The following PAAF1 variants were observed in gnomAD, a reference collection of about 807,000 sequenced individuals.
PAAF1 encodes the protein proteasomal ATPase-associated factor 1.
PAAF1 carries 46 observed loss-of-function variants against 52.8 expected under a neutral mutation model. That is an observed-to-expected ratio of 0.87 (90% CI 0.69 to 1.11). The LOEUF (loss-of-function observed/expected upper bound fraction) is 1.11, where lower values mean the gene tolerates loss of function less well. PAAF1 is among the 50% of genes most tolerant of loss of function. PAAF1 has a pLI of 0.00. For missense variants in PAAF1, 424 were observed against 477.4 expected (o/e 0.89, Z 1.04); for synonymous variants, 178 against 172.8 (o/e 1.03, Z -0.24).
At chr11:73,897,575 C>G (rs1258635183) in intron 4 of PAAF1, among the ~76,000 whole-genome samples, 2 of 151,568 alleles carry the variant, frequency 1.3e-5, no homozygotes, top group South Asian at 2.1e-4. Flanking sequence ...CTCCTCACTT[C>G]CCAGATGTGA....
chr11:73,903,038 T>C (rs2044389396), intron 6 of PAAF1, among the ~76,000 whole-genome samples: 1 of 152,232 alleles, frequency 6.6e-6, no homozygotes, highest in Admixed American at 6.5e-5. Flanking sequence ...TTTATTCATG[T>C]AGTTGTTCCA....
intron 6 of PAAF1, among the ~76,000 whole-genome samples, chr11:73,901,572 A>G (rs1414339303): frequency 3.3e-5 from 5 of 151,060 alleles, no homozygotes; most frequent in African/African-American, 9.7e-5. Flanking sequence ...ACCTCAGTAC[A>G]TTGTAACTTG....
At chr11:73,880,553 G>C (rs1948867570) in intron 2 of PAAF1, 1 of 150,820 alleles carries the variant, frequency 6.6e-6, no homozygotes, top group Admixed American at 6.6e-5. Flanking sequence ...CGGATGTGGT[G>C]GTGGGCCCCT....
In PAAF1 at chr11:73,924,611, T is replaced by G; in HGVS notation, c.1019-4T>G. On this transcript the variant is annotated splice_region_variant and splice_polypyrimidine_tract_variant and intron_variant, in intron 10 of 11. Transcript: ENST00000310571. ...GTTATATGAATTTTCTTTCTGCCTTTCAGGTGATGGAAGCTGTTTTATTGT... is the reference window on the plus strand; with the variant it reads ...GTTATATGAATTTTCTTTCTGCCTTGCAGGTGATGGAAGCTGTTTTATTGT... 1 of 1,613,202 alleles carries G rather than the reference T, an allele frequency of 6.2e-7. No homozygotes were observed. The highest frequency in any genetic ancestry group is 8.5e-7 in the Non-Finnish European group (1 of 1,179,260).
At chr11:73,906,182 TG>T (rs1228496731) in intron 6 of PAAF1, among the ~76,000 whole-genome samples, 1 of 152,140 alleles carries the variant, frequency 6.6e-6, no homozygotes, top group Non-Finnish European at 1.5e-5. Context: ...CTATATCCAG[TG>T]GGTATATAGC....
chr11:73,895,912 C>T (rs908265029), intron 4 of PAAF1, among the ~76,000 whole-genome samples: 1 of 152,132 alleles, frequency 6.6e-6, no homozygotes, highest in Admixed American at 6.5e-5. Flanking sequence ...TTCAAGACCA[C>T]CCTGGGCAAC....
intron 7 of PAAF1, among the ~76,000 whole-genome samples, chr11:73,912,355 G>GC (rs1202864068): frequency 1.3e-5 from 2 of 152,020 alleles, no homozygotes; most frequent in African/African-American, 4.8e-5. Context: ...ACCCCAAACT[G>GC]TTTTTTTCCA....
intron 4 of PAAF1, among the ~76,000 whole-genome samples, chr11:73,897,210 G>A (rs1232301983): frequency 1.5e-5 from 2 of 130,546 alleles, no homozygotes; most frequent in South Asian, 2.5e-4. Flanking sequence ...CCTCCCGGAC[G>A]GGGCGGCTGG....
intron 3 of PAAF1, among the ~76,000 whole-genome samples, chr11:73,890,375 G>A (rs560349401): frequency 2.8e-4 from 42 of 152,084 alleles, no homozygotes; most frequent in Non-Finnish European, 5.1e-4. Flanking sequence ...TCTGGTTCTA[G>A]GTATAGTTTC....
At chr11:73,915,398 G>C (rs899463479) in intron 8 of PAAF1, among the ~76,000 whole-genome samples, 1 of 152,154 alleles carries the variant, frequency 6.6e-6, no homozygotes, top group African/African-American at 2.4e-5. Context: ...CTTGAGTCCA[G>C]GAGTTCGAGA....
chr11:73,884,143 T>G (rs771866167), intron 2 of PAAF1, among the ~76,000 whole-genome samples: 26 of 152,088 alleles, frequency 1.7e-4, no homozygotes, highest in Non-Finnish European at 3.4e-4. Context: ...GTGGTTGGAT[T>G]GATCCTAGTT....
In PAAF1 at chr11:73,916,537, G is replaced by C. The variant is rs1175883919; in HGVS notation, c.820-8G>C. The stretch of plus-strand genomic sequence containing the variant: ...TAAACAGCATTTTTGCCTCCTACTT[G>C]TTCCCAGGTGTTCCTCTTTATTGGC... On this transcript the variant is annotated splice_polypyrimidine_tract_variant and splice_region_variant and intron_variant, in intron 8 of 11. Coordinates refer to ENST00000310571, the MANE Select transcript of PAAF1 (RefSeq NM_025155.3). The C allele has an allele frequency of 2.5e-6, 4 of 1,595,228 alleles. No homozygotes were observed. The highest frequency in any genetic ancestry group is 2.7e-5 in the African/African-American group (2 of 74,566).
intron 10 of PAAF1, among the ~76,000 whole-genome samples, chr11:73,923,858 C>G (rs1229411228): frequency 2.0e-5 from 3 of 152,108 alleles, no homozygotes; most frequent in Admixed American, 1.3e-4. Context: ...TCCTCTTTCT[C>G]CTAGTGTATA....
intron 9 of PAAF1, among the ~76,000 whole-genome samples, chr11:73,917,492 C>T (rs1023641804): frequency 1.3e-5 from 2 of 152,318 alleles, no homozygotes; most frequent in Non-Finnish European, 2.9e-5. Context: ...CCTTTGATTT[C>T]CTTCCTTTTT....
chr11:73,912,531 C>G (rs1001953152), intron 7 of PAAF1, among the ~76,000 whole-genome samples: 5 of 152,134 alleles, frequency 3.3e-5, no homozygotes, highest in African/African-American at 1.2e-4. Context: ...CCCCCTCTCT[C>G]CCTTCCTCCT....
intron 6 of PAAF1, among the ~76,000 whole-genome samples, chr11:73,900,981 CAAAAAAAAAAAAAAAAA>C (rs5792636): frequency 2.5e-4 from 15 of 59,550 alleles, no homozygotes; most frequent in East Asian, 1.1e-3. Flanking sequence ...GACTCCGTCT[CAAAAAAAAAAAAAAAAA>C]AAAAAAAAAA....
intron 4 of PAAF1, 55 bp downstream of exon 4, chr11:73,891,256 T>C: frequency 2.8e-6 from 3 of 1,056,868 alleles, no homozygotes; most frequent in Non-Finnish European, 4.3e-6. Flanking sequence ...ATTTTTCATT[T>C]TATTTGCTTG....
At chr11:73,921,103 CA>C (rs1950205360) in intron 10 of PAAF1, among the ~76,000 whole-genome samples, 1 of 151,904 alleles carries the variant, frequency 6.6e-6, no homozygotes, top group Non-Finnish European at 1.5e-5. Context: ...AGTTTAAGAC[CA>C]GCCTGGCCAA....
intron 4 of PAAF1, among the ~76,000 whole-genome samples, chr11:73,896,517 C>T (rs1949371271): frequency 1.3e-5 from 2 of 150,812 alleles, no homozygotes; most frequent in African/African-American, 4.9e-5. Flanking sequence ...AGCATGCTGC[C>T]TTCAAGCATC....
Sources: gnomAD v4.1 joint callset for allele counts (sites outside exome capture counted in the v4.1 genomes callset) on GRCh38, gnomAD v4.1.1 for gene constraint, MANE v1.5 for transcripts, NCBI Gene and HGNC (gene_info 2026-07-23, HGNC 2026-07-21) for gene names.